Variants in MACROD2 observed in about 807,000 individuals in gnomAD.
MACROD2 encodes the protein ADP-ribose glycohydrolase MACROD2.
A neutral mutation model predicts 70.4 loss-of-function variants in MACROD2; 36 were observed. The observed-to-expected ratio is 0.51, with a 90% CI of 0.39 to 0.68. The LOEUF (loss-of-function observed/expected upper bound fraction) is 0.68, where lower values mean the gene tolerates loss of function less well. Among genes scored for constraint, MACROD2 ranks in the 30% least tolerant of loss-of-function variants. The pLI is 0.00. For missense variants in MACROD2, 496 were observed against 538.4 expected (o/e 0.92, Z 0.78); for synonymous variants, 172 against 178.8 (o/e 0.96, Z 0.30).
At chr20:15,354,381 A>G (rs908983286) in intron 6 of MACROD2, among the ~76,000 whole-genome samples, 8 of 152,176 alleles carry the variant, frequency 5.3e-5, no homozygotes, top group African/African-American at 1.4e-4. Context: ...GGATAGCATT[A>G]GGAGATATAC....
chr20:15,294,987 A>G (rs2077573290), intron 6 of MACROD2, among the ~76,000 whole-genome samples: 1 of 152,194 alleles, frequency 6.6e-6, no homozygotes, highest in Non-Finnish European at 1.5e-5. Context: ...CTGTGTCCCC[A>G]CTGAAATCTC....
At chr20:15,558,660 G>C (rs1298211845) in intron 8 of MACROD2, among the ~76,000 whole-genome samples, 1 of 152,066 alleles carries the variant, frequency 6.6e-6, no homozygotes, top group Non-Finnish European at 1.5e-5. Flanking sequence ...ACCAGAATTT[G>C]AAAAGTTATA....
chr20:14,573,158 T>C (rs910749271), intron 4 of MACROD2, among the ~76,000 whole-genome samples: 4 of 152,168 alleles, frequency 2.6e-5, no homozygotes, highest in Non-Finnish European at 4.4e-5. Flanking sequence ...ATTTGAGTTC[T>C]AGCTCTCTCC....
At chr20:15,973,932 C>T (rs150816669) in intron 13 of MACROD2, among the ~76,000 whole-genome samples, 1 of 152,160 alleles carries the variant, frequency 6.6e-6, no homozygotes, top group East Asian at 1.9e-4. Flanking sequence ...TGGCAAGATA[C>T]AATACAAATA....
intron 3 of MACROD2, among the ~76,000 whole-genome samples, chr20:14,309,875 TTAG>T (rs1361267395): frequency 1.3e-5 from 2 of 152,200 alleles, no homozygotes; most frequent in African/African-American, 4.8e-5. Context: ...TGTTCTCCAT[TTAG>T]TAGAATATCA....
chr20:15,405,501 A>C (rs1172907951), intron 6 of MACROD2, among the ~76,000 whole-genome samples: 2 of 152,140 alleles, frequency 1.3e-5, no homozygotes, highest in Non-Finnish European at 2.9e-5. Flanking sequence ...GTGTAGGATC[A>C]AGGCAGAAAT....
At chr20:14,281,032 T>G (rs891994523) in intron 3 of MACROD2, among the ~76,000 whole-genome samples, 22 of 152,338 alleles carry the variant, frequency 1.4e-4, no homozygotes, top group African/African-American at 5.0e-4. Context: ...AATTAACATT[T>G]TTTAGTTTAG....
Position 15,664,131 on chromosome 20 carries a change from A to G in MACROD2, c.645+164284A>G, listed in dbSNP as rs370025565. ...GGACTAAATTAAAGAAATCACCTTC[A>G]GCTTGAGTCTGCACCTAGATTAAGT... On this transcript the variant is annotated intron_variant, in intron 8 of 17. Transcript: ENST00000684519. Among the ~76,000 whole-genome samples the G allele has an allele frequency of 2.6e-5, 4 of 152,356 alleles. No homozygotes were observed. In the South Asian group the frequency reaches 8.3e-4, roughly 32 times the overall value.
intron 5 of MACROD2, among the ~76,000 whole-genome samples, chr20:15,136,171 A>G (rs1391934625): frequency 6.7e-6 from 1 of 150,110 alleles, no homozygotes; most frequent in Non-Finnish European, 1.5e-5. Context: ...CATCCCCATC[A>G]AGCTACCAAT....
chr20:15,780,236 T>G (rs2051808037), intron 8 of MACROD2, among the ~76,000 whole-genome samples: 1 of 152,132 alleles, frequency 6.6e-6, no homozygotes, highest in African/African-American at 2.4e-5. Context: ...AATAAATATT[T>G]ATTTAAGATT....
chr20:15,141,471 C>T lies in MACROD2; in HGVS notation c.419-88469C>T, dbSNP rs2076192118. ...TCTTTGAAATCAAGTGATCTGGCTCCATAACTGTCCTTCCATGCACACAGC... is the reference window on the plus strand; with the variant it reads ...TCTTTGAAATCAAGTGATCTGGCTCTATAACTGTCCTTCCATGCACACAGC... On this transcript the variant is annotated intron_variant, in intron 5 of 17. Transcript: ENST00000684519. Among the ~76,000 whole-genome samples the T allele has an allele frequency of 2.0e-5, 3 of 152,144 alleles. No individual in the cohort carries two copies. The South Asian group carries it at 6.2e-4, about 32-fold the overall frequency.
intron 3 of MACROD2, among the ~76,000 whole-genome samples, chr20:14,261,755 A>G (rs1434889375): frequency 6.6e-6 from 1 of 152,148 alleles, no homozygotes; most frequent in African/African-American, 2.4e-5. Context: ...AAGGTGAGTA[A>G]CTCATAGACT....
At chr20:15,035,248 TA>T (rs1388533546) in intron 5 of MACROD2, among the ~76,000 whole-genome samples, 1 of 151,714 alleles carries the variant, frequency 6.6e-6, no homozygotes, top group African/African-American at 2.4e-5. Context: ...AATAAATGAA[TA>T]AATAAATAAC....
chr20:15,523,971 C>T (rs61108933), intron 8 of MACROD2, among the ~76,000 whole-genome samples: 8,282 of 152,102 alleles, frequency 0.054, 291 homozygotes, highest in East Asian at 0.15. Context: ...CTAGGAACTG[C>T]AGCACAGCTA....
At chr20:14,821,888 C>T (rs964224006) in intron 5 of MACROD2, among the ~76,000 whole-genome samples, 3 of 152,016 alleles carry the variant, frequency 2.0e-5, no homozygotes, top group Non-Finnish European at 2.9e-5. Flanking sequence ...CAAAGACTTC[C>T]GTTTAGTAAG....
chr20:15,587,598 A>G (rs6074923), intron 8 of MACROD2, among the ~76,000 whole-genome samples: 24,031 of 152,224 alleles, frequency 0.16, 2,081 homozygotes, highest in South Asian at 0.24. Flanking sequence ...CCTAGATGCA[A>G]TGGACGTACA....
At chr20:14,271,177 G>A (rs1379436558) in intron 3 of MACROD2, among the ~76,000 whole-genome samples, 5 of 152,238 alleles carry the variant, frequency 3.3e-5, no homozygotes, top group Non-Finnish European at 7.3e-5. Flanking sequence ...CTGAGAACGG[G>A]CAGACTGCCT....
intron 10 of MACROD2, among the ~76,000 whole-genome samples, chr20:15,921,591 C>G (rs2065407635): frequency 6.6e-6 from 1 of 152,234 alleles, no homozygotes; most frequent in Non-Finnish European, 1.5e-5. Context: ...TACAGGGAAG[C>G]CCTCTCCAAT....
At chr20:15,428,465 A>C (rs1208192629) in intron 6 of MACROD2, among the ~76,000 whole-genome samples, 3 of 152,196 alleles carry the variant, frequency 2.0e-5, no homozygotes, top group African/African-American at 7.2e-5. Flanking sequence ...GCAGGAGATA[A>C]AATTTCCAGT....
Sources: gnomAD v4.1 joint callset for allele counts (sites outside exome capture counted in the v4.1 genomes callset) on GRCh38, gnomAD v4.1.1 for gene constraint, MANE v1.5 for transcripts, NCBI Gene and HGNC (gene_info 2026-07-23, HGNC 2026-07-21) for gene names.